Variants in CAMTA1 observed in about 807,000 individuals in gnomAD.
CAMTA1 encodes the protein calmodulin binding transcription activator 1.
A neutral mutation model predicts 170.9 loss-of-function variants in CAMTA1; 27 were observed. The ratio of observed to expected loss-of-function variants is 0.16; its 90% CI spans 0.12 to 0.22. The LOEUF (loss-of-function observed/expected upper bound fraction) is 0.22, where lower values mean the gene tolerates loss of function less well. CAMTA1 is among the 10% of genes least tolerant of loss of function. The pLI is 1.00. For missense variants in CAMTA1, 1,619 were observed against 2,217.2 expected (o/e 0.73, Z 5.42); for synonymous variants, 833 against 891.5 (o/e 0.93, Z 1.17).
chr1:7,695,543 C>T (rs567078172), intron 11 of CAMTA1, among the ~76,000 whole-genome samples: 11 of 152,268 alleles, frequency 7.2e-5, no homozygotes, highest in Middle Eastern at 3.4e-3. Flanking sequence ...AGACAGAGCA[C>T]GATCCATGGT....
rs780097512 is a variant in CAMTA1, at chr1:7,674,080, AAG to A, written c.2779+3048_2779+3049del. Among the ~76,000 whole-genome samples, 4 of 152,184 alleles carry A rather than the reference AAG, an allele frequency of 2.6e-5. No individual in the cohort carries two copies. Among genetic ancestry groups the A allele is most frequent in the Admixed American group, 6.5e-5 (1 of 15,282 alleles). ...TCAGAATCAAACTGGCCTCACCAAA[AAG>A]AGAGGCTCAGAGGCTTATGAGCACA... On this transcript the variant is annotated intron_variant, in intron 10 of 22. Transcript: ENST00000303635. The surrounding 1 kb of genome is among the most constrained non-coding windows in gnomAD (Gnocchi z 4.1).
At chr1:7,058,809 T>G (rs897634452) in intron 3 of CAMTA1, among the ~76,000 whole-genome samples, 2 of 152,146 alleles carry the variant, frequency 1.3e-5, no homozygotes, top group Non-Finnish European at 2.9e-5. Context: ...AAAATATTTC[T>G]GAGAAATCAG....
rs550037316 is a variant in CAMTA1, at chr1:7,146,359, C to T, written c.302+54988C>T. On this transcript the variant is annotated intron_variant, in intron 4 of 22. Transcript: ENST00000303635. The surrounding 1 kb of genome is among the most constrained non-coding windows in gnomAD (Gnocchi z 4.3). Reference sequence around the variant, plus strand: ...ACATATCCTGGAGGGGGAAGAAGCACGTATGAAAGAAGTGAAGAGATAAGA... The same window carrying T: ...ACATATCCTGGAGGGGGAAGAAGCATGTATGAAAGAAGTGAAGAGATAAGA... Among the ~76,000 whole-genome samples the T allele has an allele frequency of 1.5e-4, 23 of 152,106 alleles. No individual in the cohort carries two copies. Among genetic ancestry groups the T allele is most frequent in the African/African-American group, 4.1e-4 (17 of 41,484 alleles).
chr1:7,677,568 C>A, intron 10 of CAMTA1, 31 bp from the exon 11 acceptor site: 1 of 1,606,356 alleles, frequency 6.2e-7, no homozygotes, highest in Non-Finnish European at 8.5e-7. Context: ...CCCACCCATC[C>A]CTTGACCTGG....
At chr1:7,179,011 C>T (rs1193980450) in intron 4 of CAMTA1, among the ~76,000 whole-genome samples, 1 of 152,208 alleles carries the variant, frequency 6.6e-6, no homozygotes, top group African/African-American at 2.4e-5. Context: ...CTTATTGGCA[C>T]AATTGGTGCC....
intron 4 of CAMTA1, among the ~76,000 whole-genome samples, chr1:7,243,878 A>G (rs1280213671): frequency 1.3e-5 from 2 of 152,226 alleles, no homozygotes; most frequent in East Asian, 1.9e-4. Context: ...ACAAAAGCCA[A>G]AATTGACAAA....
At chr1:7,616,020 G>T (rs1158924500) in intron 6 of CAMTA1, among the ~76,000 whole-genome samples, 1 of 152,230 alleles carries the variant, frequency 6.6e-6, no homozygotes, top group African/African-American at 2.4e-5. Flanking sequence ...TCAGTGTTTT[G>T]TAAATGTAAG....
chr1:7,767,298 T>G lies in CAMTA1; in HGVS notation c.*807T>G, dbSNP rs2097029678. On this transcript the variant is annotated 3_prime_UTR_variant, in exon 23 of 23. Transcript: ENST00000303635. The stretch of plus-strand genomic sequence containing the variant: ...TTTTCATGTTCAGCACTTTAATTTT[T>G]TTGCCTTACTTTCATGTGCAATGAG... 2 of 152,814 alleles carry G rather than the reference T, an allele frequency of 1.3e-5. No homozygotes were observed. The highest frequency in any genetic ancestry group is 4.8e-5 in the African/African-American group (2 of 41,462). The allele number at this position is 152,814 out of a possible 1,614,324, so 9.5% of individuals were successfully genotyped here.
rs146252158 is a variant in CAMTA1 at position 7,729,114 on chromosome 1, C to CTTTTTTTTTTTTTTTTTTTTTTTTTT, written c.2915-3325_2915-3324insTTTTTTTTTTTTTTTTTTTTTTTTTT. On this transcript the variant is annotated intron_variant, in intron 11 of 22. Coordinates refer to ENST00000303635, the MANE Select transcript of CAMTA1 (RefSeq NM_015215.4). ...TTTATTAGAAATTAATATGAGGAAT[C>CTTTTTTTTTTTTTTTTTTTTTTTTTT]TTTTTTTTTCTTTTTTTTTTGAGAC... Among the ~76,000 whole-genome samples the CTTTTTTTTTTTTTTTTTTTTTTTTTT allele has an allele frequency of 1.4e-5, 2 of 142,280 alleles. 1 individual carries two copies. 93.3% of individuals were successfully genotyped at this position (142,280 alleles called of 152,430 possible). A position where few individuals can be genotyped will look rare whatever the true frequency, so the allele number is the denominator to read the frequency against.
intron 4 of CAMTA1, among the ~76,000 whole-genome samples, chr1:7,204,732 A>C (rs1657349831): frequency 6.6e-6 from 1 of 150,516 alleles, no homozygotes; most frequent in South Asian, 2.1e-4. Flanking sequence ...TGTTCTATCT[A>C]TTATTGAACC....
At chr1:6,879,823 G>A (rs1395756986) in intron 3 of CAMTA1, among the ~76,000 whole-genome samples, 1 of 149,208 alleles carries the variant, frequency 6.7e-6, no homozygotes, top group Non-Finnish European at 1.5e-5. Flanking sequence ...TAGAGACGGA[G>A]TCTCTGTTGC....
intron 9 of CAMTA1, among the ~76,000 whole-genome samples, chr1:7,666,424 A>T (rs1576700056): frequency 6.6e-6 from 1 of 152,138 alleles, no homozygotes; most frequent in East Asian, 1.9e-4. Context: ...GCTCCCGGGG[A>T]TCTGACTTTG....
intron 10 of CAMTA1, among the ~76,000 whole-genome samples, chr1:7,672,789 C>T (rs962931010): frequency 6.6e-6 from 1 of 152,088 alleles, no homozygotes; most frequent in Admixed American, 6.5e-5. Flanking sequence ...CACACTCCGC[C>T]TCTGCTTGAA....
At chr1:6,786,685 C>T (rs761722256) in intron 1 of CAMTA1, among the ~76,000 whole-genome samples, 1 of 152,134 alleles carries the variant, frequency 6.6e-6, no homozygotes, top group Non-Finnish European at 1.5e-5. Context: ...CTTTGAGTTG[C>T]CCTCCTTTTC....
intron 1 of CAMTA1, among the ~76,000 whole-genome samples, chr1:6,819,445 T>C (rs1176085842): frequency 6.6e-6 from 1 of 152,152 alleles, no homozygotes; most frequent in African/African-American, 2.4e-5. Flanking sequence ...GCCATAATAC[T>C]AGTTGGCGCT....
chr1:7,704,435 G>A (rs2149542452), intron 11 of CAMTA1, among the ~76,000 whole-genome samples: 1 of 146,000 alleles, frequency 6.8e-6, no homozygotes, highest in South Asian at 2.1e-4. Context: ...GGGCGGAGCG[G>A]CGGGGACCGC....
chr1:7,184,499 A>G (rs913960009), intron 4 of CAMTA1, among the ~76,000 whole-genome samples: 1 of 152,186 alleles, frequency 6.6e-6, no homozygotes, highest in South Asian at 2.1e-4. Flanking sequence ...TATACCTACT[A>G]TGTACCCACA....
chr1:6,975,726 G>T (rs1474155014), intron 3 of CAMTA1, among the ~76,000 whole-genome samples: 1 of 152,154 alleles, frequency 6.6e-6, no homozygotes, highest in African/African-American at 2.4e-5. Flanking sequence ...TCACAGAGTT[G>T]TGCAGCCACA....
intron 6 of CAMTA1, among the ~76,000 whole-genome samples, chr1:7,597,315 G>A (rs1339138274): frequency 6.6e-6 from 1 of 152,224 alleles, no homozygotes; most frequent in African/African-American, 2.4e-5. Context: ...GCTGACGCCT[G>A]TGATGTTCAC....
Sources: gnomAD v4.1 joint callset for allele counts (sites outside exome capture counted in the v4.1 genomes callset) on GRCh38, gnomAD v4.1.1 for gene constraint, Gnocchi (gnomAD v3.1) non-coding constraint, MANE v1.5 for transcripts, NCBI Gene and HGNC (gene_info 2026-07-23, HGNC 2026-07-21) for gene names.